Variants in SMURF2 observed in about 807,000 individuals in gnomAD.
SMURF2 encodes the protein E3 ubiquitin-protein ligase SMURF2.
A neutral mutation model predicts 109.6 loss-of-function variants in SMURF2; 48 were observed. The ratio of observed to expected loss-of-function variants is 0.44; its 90% CI spans 0.35 to 0.56. The LOEUF (loss-of-function observed/expected upper bound fraction) is 0.56. Ranked by LOEUF, SMURF2 falls within the 20% of genes least tolerant of loss-of-function variation. The pLI, the probability that SMURF2 is intolerant of heterozygous loss-of-function variation, is 0.01. For synonymous variants in SMURF2, 288 were observed against 317.1 expected, an observed-to-expected ratio of 0.91 and a Z score of 0.97; for missense variants, 575 against 909.0, an observed-to-expected ratio of 0.63 and a Z score of 4.72.
intron 5 of SMURF2, among the ~76,000 whole-genome samples, chr17:64,587,389 A>T (rs1969679011): frequency 6.6e-6 from 1 of 152,164 alleles, no homozygotes; most frequent in African/African-American, 2.4e-5. Flanking sequence ...GTAACCTTGA[A>T]CAAAACACTT....
intron 1 of SMURF2, among the ~76,000 whole-genome samples, chr17:64,652,883 C>T (rs1598318459): frequency 6.6e-6 from 1 of 151,962 alleles, no homozygotes; most frequent in South Asian, 2.1e-4. Flanking sequence ...AAAAAAAAAT[C>T]ATGACACTTA....
chr17:64,566,573 T>TGTTTG (rs1467394639), intron 10 of SMURF2, among the ~76,000 whole-genome samples: 8 of 100,910 alleles, frequency 7.9e-5, no homozygotes, highest in Non-Finnish European at 1.4e-4. Flanking sequence ...TTTTTTTTTT[T>TGTTTG]TTTTTTTTTT....
intron 1 of SMURF2, among the ~76,000 whole-genome samples, chr17:64,636,620 A>T (rs1555692096): frequency 2.7e-5 from 4 of 149,622 alleles, no homozygotes; most frequent in African/African-American, 9.8e-5. Context: ...AAAAAAAAAA[A>T]AAAAAAAAAT....
intron 5 of SMURF2, among the ~76,000 whole-genome samples, chr17:64,589,920 C>CA (rs1969725686): frequency 1.3e-5 from 2 of 152,032 alleles, no homozygotes; most frequent in African/African-American, 4.8e-5. Context: ...TTCCTGGTAC[C>CA]AAAAATGGTG....
intron 10 of SMURF2, among the ~76,000 whole-genome samples, chr17:64,570,253 A>G (rs1329926504): frequency 6.6e-6 from 1 of 152,206 alleles, no homozygotes; most frequent in African/African-American, 2.4e-5. Flanking sequence ...TTGTGTTTTT[A>G]ACATTTTAAC....
At chr17:64,554,792 T>C in intron 15 of SMURF2, 64 bp downstream of exon 15, 1 of 1,483,954 alleles carries the variant, frequency 6.7e-7, no homozygotes, top group Non-Finnish European at 9.3e-7. Flanking sequence ...ATATTTAAGT[T>C]TGTTCATACT....
At chr17:64,590,939 T>C in intron 5 of SMURF2, 145 bp downstream of exon 5, 1 of 482,780 alleles carries the variant, frequency 2.1e-6, no homozygotes, top group Non-Finnish European at 3.6e-6. Flanking sequence ...ACCTGGATCC[T>C]GGATTCACTG....
At chr17:64,590,139 C>CTTT (rs1441728481) in intron 5 of SMURF2, among the ~76,000 whole-genome samples, 1 of 133,604 alleles carries the variant, frequency 7.5e-6, no homozygotes, top group Admixed American at 7.1e-5. Context: ...TTGAATTTTT[C>CTTT]TTTTCTTTTT....
rs544396398 is a variant in SMURF2 at position 64,551,325 on chromosome 17, C to T, written c.1869+259G>A. The stretch of plus-strand genomic sequence containing the variant: ...TGAGCCATGATTGCACCACTGCACC[C>T]CAGCCTGGGTGACAGAGTGAGACCC... On this transcript the variant is annotated intron_variant, in intron 16 of 18. Transcript: ENST00000262435. 2.0e-5 allele frequency among the ~76,000 whole-genome samples: 3 copies of T among 151,898 alleles called. No individual in the cohort carries two copies. In the South Asian group the frequency reaches 6.3e-4, roughly 32 times the overall value.
intron 1 of SMURF2, among the ~76,000 whole-genome samples, chr17:64,631,930 C>T (rs1262231944): frequency 1.4e-5 from 2 of 144,444 alleles, no homozygotes; most frequent in African/African-American, 2.6e-5. Context: ...CACCCACCAC[C>T]CTAGTATTAT....
chr17:64,661,549 G>A (rs370234488), intron 1 of SMURF2, among the ~76,000 whole-genome samples: 1 of 152,144 alleles, frequency 6.6e-6, no homozygotes, highest in Admixed American at 6.5e-5. Flanking sequence ...CTGGCTCCTT[G>A]ACCAAGACTT....
intron 2 of SMURF2, among the ~76,000 whole-genome samples, chr17:64,601,806 TATCA>T: frequency 6.6e-6 from 1 of 151,696 alleles, no homozygotes; most frequent in East Asian, 1.9e-4. Flanking sequence ...CCCAAACACC[TATCA>T]ATCAACGAGT....
chr17:64,570,116 TCTC>T (rs1246683625), intron 10 of SMURF2, among the ~76,000 whole-genome samples: 2 of 152,254 alleles, frequency 1.3e-5, no homozygotes, highest in African/African-American at 4.8e-5. Context: ...TTCAATGTTT[TCTC>T]CTATTATCCT....
chr17:64,624,957 A>G (rs1186987300), intron 1 of SMURF2, among the ~76,000 whole-genome samples: 1 of 152,196 alleles, frequency 6.6e-6, no homozygotes, highest in Non-Finnish European at 1.5e-5. Context: ...CCCACTGGCC[A>G]CTGCTAATTG....
intron 5 of SMURF2, among the ~76,000 whole-genome samples, chr17:64,588,289 G>GA (rs1222498790): frequency 2.2e-4 from 34 of 151,738 alleles, no homozygotes; most frequent in African/African-American, 7.7e-4. Context: ...TTTAAACAAG[G>GA]AAAAAAGTTT....
intron 1 of SMURF2, among the ~76,000 whole-genome samples, chr17:64,649,335 T>C (rs1555693265): frequency 6.6e-6 from 1 of 152,072 alleles, no homozygotes; most frequent in Non-Finnish European, 1.5e-5. Context: ...CAGGCTACTT[T>C]TGAAAGCGCC....
chr17:64,597,538 C>T (rs571716324), intron 3 of SMURF2, among the ~76,000 whole-genome samples: 1 of 152,070 alleles, frequency 6.6e-6, no homozygotes, highest in Admixed American at 6.5e-5. Context: ...TTTGGGAGAC[C>T]GAGGCAGGCG....
intron 10 of SMURF2, among the ~76,000 whole-genome samples, chr17:64,569,448 G>T (rs545750944): frequency 6.6e-6 from 1 of 152,128 alleles, no homozygotes; most frequent in African/African-American, 2.4e-5. Flanking sequence ...AGGCAAAAAA[G>T]ATATAAATTA....
At chr17:64,546,463 C>A in intron 17 of SMURF2, 125 bp from the exon 18 acceptor site, 1 of 732,904 alleles carries the variant, frequency 1.4e-6, no homozygotes, top group Non-Finnish European at 2.2e-6. Flanking sequence ...TGAATCCACA[C>A]ATACTACCAA....
Sources: allele counts gnomAD v4.1 joint callset (sites outside exome capture counted in the v4.1 genomes callset), GRCh38; gene constraint gnomAD v4.1.1; transcripts MANE v1.5; gene names NCBI Gene and HGNC (gene_info 2026-07-23, HGNC 2026-07-21).